Variants in EPCAM observed in about 807,000 individuals in gnomAD.
EPCAM encodes the protein adenocarcinoma-associated antigen.
A neutral mutation model predicts 40.0 loss-of-function variants in EPCAM; 39 were observed. That is an observed-to-expected ratio of 0.98 (90% CI 0.76 to 1.27). The LOEUF is 1.27. EPCAM is among the 50% of genes most tolerant of loss of function. The pLI is 0.00. For missense variants in EPCAM, 503 were observed against 381.2 expected, an observed-to-expected ratio of 1.32 and a Z score of -2.66; for synonymous variants, 168 against 132.3, an observed-to-expected ratio of 1.27 and a Z score of -1.85.
At position 47,379,960 on chromosome 2, in the gene EPCAM, T is replaced by G. The variant is rs1433153946; in HGVS notation, c.849T>G (p.Ile283Met). 1 of 1,612,228 alleles carries G rather than the reference T, an allele frequency of 6.2e-7. No homozygotes were observed. Among genetic ancestry groups the G allele is most frequent in the Non-Finnish European group, 8.5e-7 (1 of 1,178,934 alleles). ...TGGTGATAGCAGTTGTTGCTGGAATTGTTGTGCTGGTGAGTACAGAACAAG... is the reference window on the plus strand; with the variant it reads ...TGGTGATAGCAGTTGTTGCTGGAATGGTTGTGCTGGTGAGTACAGAACAAG... ...VVVVIAVVAG[I>M]VVLVISRKKR... The change falls in exon 7 of 9, where the codon ATT becomes ATG. Residue 283 changes from isoleucine (I) to methionine (M), a missense_variant. Coordinates refer to ENST00000263735, the MANE Select transcript of EPCAM (RefSeq NM_002354.3).
At chr2:47,379,661 AAAG>A in intron 6 of EPCAM, 105 bp from the exon 7 acceptor site, 1 of 1,276,054 alleles carries the variant, frequency 7.8e-7, no homozygotes, top group Non-Finnish European at 1.1e-6. Flanking sequence ...CTAAAACCAT[AAAG>A]ATTCTTGGCA....
At chr2:47,369,748 C>A in intron 1 of EPCAM, 167 bp downstream of exon 1, 1 of 764,274 alleles carries the variant, frequency 1.3e-6, no homozygotes, top group Non-Finnish European at 2.3e-6. Flanking sequence ...GCCCTCCGCG[C>A]GGTAGGAAAC....
chr2:47,381,119 A>G (rs1325240157), intron 7 of EPCAM, among the ~76,000 whole-genome samples: 1 of 140,086 alleles, frequency 7.1e-6, no homozygotes, highest in Non-Finnish European at 1.5e-5. Context: ...AAAAAAGGCC[A>G]GGCACAGTGG....
rs577434545 is a variant in EPCAM at position 47,381,463 on chromosome 2, G to C, written c.858+1494G>C. Among the ~76,000 whole-genome samples, 119 of 151,576 alleles carry C rather than the reference G, an allele frequency of 7.9e-4. 1 individual carries two copies. The South Asian group carries it at 0.024, about 30-fold the overall frequency. On this transcript the variant is annotated intron_variant, in intron 7 of 8. Coordinates refer to ENST00000263735, the MANE Select transcript of EPCAM (RefSeq NM_002354.3). ...CAGAAAGAGGTTTGAGGGTATTTAG[G>C]AACTTAGATTTCCAGTTCAATCAAC...
chr2:47,386,440 ATAAG>A, intron 8 of EPCAM, 128 bp from the exon 9 acceptor site: 1 of 652,588 alleles, frequency 1.5e-6, no homozygotes, highest in Non-Finnish European at 2.6e-6. Context: ...TTTTATTTAA[ATAAG>A]TCTTATAAAT....
intron 1 of EPCAM, 100 bp downstream of exon 1, chr2:47,369,681 C>G (rs774488035): frequency 1.7e-6 from 2 of 1,198,514 alleles, no homozygotes; most frequent in African/African-American, 1.5e-5. Context: ...GGGAGGGGAC[C>G]AAGAGGCCGC....
intron 3 of EPCAM, 110 bp from the exon 4 acceptor site, chr2:47,375,124 A>T (rs1465144984): frequency 7.9e-6 from 6 of 763,262 alleles, no homozygotes; most frequent in African/African-American, 1.8e-5. Context: ...TACTGCATAA[A>T]TTTTTTTTCT....
At chr2:47,370,500 C>T (rs1671230836) in intron 1 of EPCAM, among the ~76,000 whole-genome samples, 3 of 151,924 alleles carry the variant, frequency 2.0e-5, no homozygotes, top group Admixed American at 2.0e-4. Context: ...TGGTCTCTAA[C>T]TCCTGAGCTC....
intron 5 of EPCAM, among the ~76,000 whole-genome samples, chr2:47,378,075 A>T (rs1241990489): frequency 1.3e-5 from 2 of 151,940 alleles, no homozygotes; most frequent in Non-Finnish European, 2.9e-5. Flanking sequence ...TACTAAAAAC[A>T]TACAAAATAG....
intron 7 of EPCAM, 76 bp downstream of exon 7, chr2:47,380,045 G>C (rs1671543545): frequency 1.9e-6 from 3 of 1,548,080 alleles, no homozygotes; most frequent in South Asian, 2.4e-5. Flanking sequence ...GGGCGCGGTG[G>C]CTCACCACAC....
intron 7 of EPCAM, among the ~76,000 whole-genome samples, chr2:47,384,570 C>T (rs780619142): frequency 3.3e-5 from 5 of 151,534 alleles, no homozygotes; most frequent in Admixed American, 6.6e-5. Context: ...ACCACCACCG[C>T]GCCTGGCTAA....
At position 47,373,205 on chromosome 2, in the gene EPCAM, TAAAAAAAAAA is replaced by T. The variant is rs777057814; in HGVS notation, c.77-237_77-228del. Among the ~76,000 whole-genome samples, 139 of 65,052 alleles carry T rather than the reference TAAAAAAAAAA, an allele frequency of 2.1e-3. 1 individual carries two copies. Among genetic ancestry groups the T allele is most frequent in the Middle Eastern group, 0.022 (2 of 92 alleles). 42.7% of individuals were successfully genotyped at this position (65,052 alleles called of 152,430 possible). On this transcript the variant is annotated intron_variant, in intron 1 of 8. Transcript: ENST00000263735. ...GGGCCACAGAGTGAGACCCTATCTT[TAAAAAAAAAA>T]AAAAAAAAAAAAAAAAAAAACAGGA...
intron 7 of EPCAM, among the ~76,000 whole-genome samples, chr2:47,380,518 A>G (rs1671558334): frequency 2.0e-5 from 3 of 152,206 alleles, no homozygotes; most frequent in Admixed American, 2.0e-4. Flanking sequence ...CAGGCCAGTT[A>G]AATTGCCATC....
intron 5 of EPCAM, among the ~76,000 whole-genome samples, chr2:47,377,987 C>T (rs1308009063): frequency 6.6e-6 from 1 of 152,016 alleles, no homozygotes. Flanking sequence ...AATCCCAGCA[C>T]TTTGGGAGGC....
At chr2:47,381,949 T>G (rs6737550) in intron 7 of EPCAM, among the ~76,000 whole-genome samples, 5,859 of 152,180 alleles carry the variant, frequency 0.039, 404 homozygotes, top group African/African-American at 0.13. Flanking sequence ...TAATTTTTAG[T>G]AGAGACGAAT....
chr2:47,384,597 G>C (rs1296733983), intron 7 of EPCAM, among the ~76,000 whole-genome samples: 1 of 149,946 alleles, frequency 6.7e-6, no homozygotes, highest in Admixed American at 6.7e-5. Flanking sequence ...TGTTTTTTTA[G>C]TAGAGTCGGG....
chr2:47,378,168 C>T (rs1671477540), intron 5 of EPCAM, among the ~76,000 whole-genome samples: 1 of 152,064 alleles, frequency 6.6e-6, no homozygotes, highest in Non-Finnish European at 1.5e-5. Flanking sequence ...AGAGGCGGAG[C>T]TTGCAGTCAG....
intron 1 of EPCAM, among the ~76,000 whole-genome samples, chr2:47,370,169 G>A (rs976835031): frequency 6.6e-6 from 1 of 152,238 alleles, no homozygotes; most frequent in Non-Finnish European, 1.5e-5. Context: ...CAGGCTTATT[G>A]TAGGGAACGC....
At chr2:47,378,412 C>T (rs547856623) in intron 5 of EPCAM, among the ~76,000 whole-genome samples, 9 of 151,250 alleles carry the variant, frequency 6.0e-5, no homozygotes, top group African/African-American at 2.2e-4. Context: ...AGCGATTCTC[C>T]TGCCTCAGCT....
Sources: allele counts gnomAD v4.1 joint callset (sites outside exome capture counted in the v4.1 genomes callset), GRCh38; gene constraint gnomAD v4.1.1; transcripts MANE v1.5; gene names NCBI Gene and HGNC (gene_info 2026-07-23, HGNC 2026-07-21).